SDK1: variants seen among roughly 807,000 people sequenced by gnomAD.
SDK1 encodes sidekick cell adhesion molecule 1.
SDK1 carries 157 observed loss-of-function variants against 245.5 expected under a neutral mutation model. The observed-to-expected ratio is 0.64, with a 90% CI of 0.56 to 0.73. SDK1 has a LOEUF of 0.73. Ranked by LOEUF, SDK1 falls within the 30% of genes least tolerant of loss-of-function variation. The pLI is 0.00. For missense variants in SDK1, 3,583 were observed against 3,002.3 expected, an observed-to-expected ratio of 1.19 and a Z score of -4.52; for synonymous variants, 1,647 against 1,278.5, an observed-to-expected ratio of 1.29 and a Z score of -6.15.
intron 1 of SDK1, among the ~76,000 whole-genome samples, chr7:3,573,284 G>T (rs1378144548): frequency 3.3e-5 from 5 of 152,166 alleles, no homozygotes; most frequent in Non-Finnish European, 7.4e-5. Context: ...GCAAGGGACT[G>T]ACAGTATGGC....
At chr7:3,876,723 T>C (rs1408547934) in intron 5 of SDK1, among the ~76,000 whole-genome samples, 3 of 152,210 alleles carry the variant, frequency 2.0e-5, no homozygotes, top group Admixed American at 1.3e-4. Flanking sequence ...TACTGTCTTT[T>C]CTTTTGACAC....
intron 13 of SDK1, among the ~76,000 whole-genome samples, chr7:3,980,681 C>T (rs569996840): frequency 3.9e-5 from 6 of 152,318 alleles, no homozygotes; most frequent in South Asian, 2.1e-4. Context: ...CAGAGGCTCA[C>T]GCCTGTAATC....
intron 4 of SDK1, among the ~76,000 whole-genome samples, chr7:3,738,568 A>G (rs1779385685): frequency 6.6e-6 from 1 of 152,216 alleles, no homozygotes; most frequent in Non-Finnish European, 1.5e-5. Context: ...ATTTCTGCAA[A>G]AGAAAATGCC....
At chr7:3,562,224 C>T (rs762004716) in intron 1 of SDK1, among the ~76,000 whole-genome samples, 23 of 152,204 alleles carry the variant, frequency 1.5e-4, no homozygotes, top group Admixed American at 4.6e-4. Flanking sequence ...GATTCCAGAC[C>T]GTATTCTACC....
At position 4,026,474 on chromosome 7, in the gene SDK1, C is replaced by G. The variant is rs143025655; in HGVS notation, c.2602+9122C>G. Reference sequence around the variant, plus strand: ...ACTGGCTTCACGAGGGCCCGGTGTGCAGACAGCCTGCCAGGGCCTGCGGGC... The same window carrying G: ...ACTGGCTTCACGAGGGCCCGGTGTGGAGACAGCCTGCCAGGGCCTGCGGGC... On this transcript the variant is annotated intron_variant, in intron 17 of 44. Coordinates refer to ENST00000404826, the MANE Select transcript of SDK1 (RefSeq NM_152744.4). The surrounding 1 kb of genome is among the most constrained non-coding windows in gnomAD (Gnocchi z 4.1). Among the ~76,000 whole-genome samples, 1 of 152,234 alleles carries G rather than the reference C, an allele frequency of 6.6e-6. No homozygotes were observed. The highest frequency in any genetic ancestry group is 2.1e-4 in the South Asian group (1 of 4,830).
chr7:4,051,875 G>C (rs1294690793), intron 19 of SDK1, 45 bp downstream of exon 19: 2 of 1,533,846 alleles, frequency 1.3e-6, no homozygotes, highest in Non-Finnish European at 1.8e-6. Flanking sequence ...TTGTCAAAGA[G>C]GTGTATACCG....
intron 1 of SDK1, among the ~76,000 whole-genome samples, chr7:3,469,228 G>T (rs553923933): frequency 1.3e-5 from 2 of 152,284 alleles, no homozygotes; most frequent in South Asian, 4.1e-4. Flanking sequence ...TTCGAGACCA[G>T]CCTGGGAAAG....
chr7:3,934,906 G>A (rs1005312807), intron 5 of SDK1, among the ~76,000 whole-genome samples: 13 of 152,200 alleles, frequency 8.5e-5, no homozygotes, highest in African/African-American at 2.7e-4. Context: ...GGTGAGCAGC[G>A]AGGTTCAGCC....
At chr7:3,314,593 A>G (rs1779620229) in intron 1 of SDK1, among the ~76,000 whole-genome samples, 1 of 152,206 alleles carries the variant, frequency 6.6e-6, no homozygotes, top group African/African-American at 2.4e-5. Flanking sequence ...ATGCTCATCA[A>G]TTCCTGAATT....
Position 3,800,404 on chromosome 7 carries a change from C to G in SDK1, c.714-21046C>G, listed in dbSNP as rs573423103. Among the ~76,000 whole-genome samples the G allele has an allele frequency of 4.3e-5, 6 of 138,046 alleles. No homozygotes were observed. The East Asian group carries it at 8.1e-4, about 19-fold the overall frequency. The allele number at this position is 138,046 out of a possible 152,430, so 90.6% of individuals were successfully genotyped here. A position where few individuals can be genotyped will look rare whatever the true frequency, so the allele number is the denominator to read the frequency against. ...TTATTTATTTATTTATTTATTGAGA[C>G]AGAGTCTCACTCTGTCACCCAGGCT... On this transcript the variant is annotated intron_variant, in intron 4 of 44. Coordinates refer to ENST00000404826, the MANE Select transcript of SDK1 (RefSeq NM_152744.4).
chr7:4,235,814 C>A (rs938777535), intron 41 of SDK1, among the ~76,000 whole-genome samples: 5 of 152,228 alleles, frequency 3.3e-5, no homozygotes, highest in Non-Finnish European at 7.3e-5. Flanking sequence ...GGGAAGCCAG[C>A]AACCATCACC....
intron 1 of SDK1, among the ~76,000 whole-genome samples, chr7:3,317,400 A>T (rs1009090328): frequency 2.6e-5 from 4 of 152,104 alleles, no homozygotes; most frequent in African/African-American, 9.7e-5. Flanking sequence ...GTTTTCATCT[A>T]TCTGCTTTCC....
intron 4 of SDK1, among the ~76,000 whole-genome samples, chr7:3,651,763 T>G (rs1272820569): frequency 6.6e-6 from 1 of 152,094 alleles, no homozygotes; most frequent in Non-Finnish European, 1.5e-5. Flanking sequence ...AGAAGAAACC[T>G]TAAGACAACC....
chr7:3,399,441 C>T (rs1375192250), intron 1 of SDK1, among the ~76,000 whole-genome samples: 2 of 152,086 alleles, frequency 1.3e-5, no homozygotes, highest in South Asian at 2.1e-4. Context: ...GGGACAGCTT[C>T]TATTGACTCC....
intron 4 of SDK1, among the ~76,000 whole-genome samples, chr7:3,716,481 C>T (rs1785205075): frequency 6.6e-6 from 1 of 152,142 alleles, no homozygotes; most frequent in Non-Finnish European, 1.5e-5. Flanking sequence ...CACGTGTTAT[C>T]ACGTGTAATA....
intron 14 of SDK1, 103 bp from the exon 15 acceptor site, chr7:4,010,863 G>T: frequency 8.2e-7 from 1 of 1,223,244 alleles, no homozygotes; most frequent in Non-Finnish European, 1.2e-6. Flanking sequence ...GAGCTGTCCT[G>T]CTAAGCAAAT....
intron 1 of SDK1, among the ~76,000 whole-genome samples, chr7:3,402,546 C>G (rs1778917395): frequency 6.6e-6 from 1 of 152,152 alleles, no homozygotes; most frequent in Non-Finnish European, 1.5e-5. Flanking sequence ...CTTTAAAGGT[C>G]ATACACAAAG....
intron 1 of SDK1, among the ~76,000 whole-genome samples, chr7:3,510,455 A>C (rs1225387184): frequency 6.6e-6 from 1 of 152,148 alleles, no homozygotes; most frequent in Non-Finnish European, 1.5e-5. Flanking sequence ...AAAATCACTG[A>C]CGTGAGGCGG....
chr7:3,955,901 C>T (rs1278311769), intron 7 of SDK1, among the ~76,000 whole-genome samples: 1 of 152,170 alleles, frequency 6.6e-6, no homozygotes, highest in Non-Finnish European at 1.5e-5. Context: ...TCCCCACCTC[C>T]TCTCCTGAGA....
Sources: allele counts gnomAD v4.1 joint callset (sites outside exome capture counted in the v4.1 genomes callset), GRCh38; gene constraint gnomAD v4.1.1; non-coding constraint Gnocchi (gnomAD v3.1); transcripts MANE v1.5; gene names NCBI Gene and HGNC (gene_info 2026-07-23, HGNC 2026-07-21).